The following PIWIL1 variants were observed in gnomAD, a reference collection of about 807,000 sequenced individuals.
PIWIL1 encodes piwi like RNA-mediated gene silencing 1.
A neutral mutation model predicts 114.4 loss-of-function variants in PIWIL1; 73 were observed. The observed-to-expected ratio is 0.64, with a 90% CI of 0.53 to 0.78. The LOEUF (loss-of-function observed/expected upper bound fraction) is 0.78, where lower values mean the gene tolerates loss of function less well. Among genes scored for constraint, PIWIL1 ranks in the 30% least tolerant of loss-of-function variants. The pLI, the probability that PIWIL1 is intolerant of heterozygous loss-of-function variation, is 0.00. For missense variants in PIWIL1, 723 were observed against 1,063.1 expected, an observed-to-expected ratio of 0.68 and a Z score of 4.45; for synonymous variants, 375 against 369.0, an observed-to-expected ratio of 1.02 and a Z score of -0.19.
intron 14 of PIWIL1, among the ~76,000 whole-genome samples, chr12:130,358,151 G>A (rs146993438): frequency 1.1e-4 from 17 of 152,340 alleles, no homozygotes; most frequent in Admixed American, 2.6e-4. Flanking sequence ...CAGGAGGGGA[G>A]GACTGAGTCC....
chr12:130,394,610 CG>C, the PIWIL1 span, among the ~76,000 whole-genome samples: 2 of 151,828 alleles, frequency 1.3e-5, no homozygotes, highest in Non-Finnish European at 2.9e-5. Flanking sequence ...GCCTCTACCT[CG>C]GGGCCACAGA....
chr12:130,389,568 TAG>T, the PIWIL1 span, among the ~76,000 whole-genome samples: 1 of 152,304 alleles, frequency 6.6e-6, no homozygotes, highest in East Asian at 1.9e-4. Context: ...AATTTATTAA[TAG>T]AGAGTTGATA....
chr12:130,386,441 C>T, the PIWIL1 span, among the ~76,000 whole-genome samples: 1 of 125,940 alleles, frequency 7.9e-6, no homozygotes, highest in African/African-American at 3.2e-5. Context: ...ATGCACACTA[C>T]CCCTTCCTGT....
At chr12:130,372,757 A>T (rs1349526169), downstream of PIWIL1, 1 of 152,142 alleles carries the variant, frequency 6.6e-6, no homozygotes, top group Non-Finnish European at 1.5e-5. Flanking sequence ...GGAAGCACAG[A>T]CTAAGAAGTC....
chr12:130,370,304 T>A (rs778827258), intron 19 of PIWIL1, among the ~76,000 whole-genome samples: 12 of 151,898 alleles, frequency 7.9e-5, no homozygotes, highest in Non-Finnish European at 1.2e-4. Context: ...GCTCTCTTTA[T>A]CTGTAGGTCC....
the PIWIL1 span, among the ~76,000 whole-genome samples, chr12:130,403,762 A>G: frequency 2.1e-3 from 323 of 152,350 alleles, no homozygotes; most frequent in Non-Finnish European, 3.7e-3. Flanking sequence ...AGGTATTCCA[A>G]TGAATACAGA....
chr12:130,357,294 C>T (rs1231285390), intron 13 of PIWIL1, among the ~76,000 whole-genome samples, 187 bp from the exon 14 acceptor site: 1 of 151,968 alleles, frequency 6.6e-6, no homozygotes, highest in Non-Finnish European at 1.5e-5. Context: ...AAGACAGTTT[C>T]TGAAACCTGC....
rs756235506 is a variant in PIWIL1 at position 130,361,292 on chromosome 12, A to G, written c.1778A>G (p.Lys593Arg). The change falls in exon 15 of 21, where the codon AAA becomes AGA. Residue 593 changes from lysine to arginine, a missense_variant. Around this residue, in one of 8 missense-constraint regions of PIWIL1, gnomAD observed 298 missense variants for 420.8 expected, o/e 0.71. Coordinates refer to ENST00000245255, the MANE Select transcript of PIWIL1 (RefSeq NM_004764.5). ...TGTGTGGTGGCCCGAACCTTAGGCA[A>G]ACAGCAAACTGTCATGGCCATTGCT... The part of the protein sequence containing the change: ...SQCVVARTLG[K>R]QQTVMAIATK... 17 of 1,614,068 alleles carry G rather than the reference A, an allele frequency of 1.1e-5. No homozygotes were observed. In the Admixed American group the frequency reaches 1.5e-4, roughly 14 times the overall value.
chr12:130,354,419 A>G, intron 9 of PIWIL1, 118 bp from the exon 10 acceptor site: 2 of 1,295,844 alleles, frequency 1.5e-6, no homozygotes, highest in East Asian at 2.3e-5. Flanking sequence ...TGAAGCTATT[A>G]TCAGCCTTGC....
the PIWIL1 span, among the ~76,000 whole-genome samples, chr12:130,384,787 A>T: frequency 6.6e-6 from 1 of 151,060 alleles, no homozygotes; most frequent in African/African-American, 2.5e-5. Flanking sequence ...GCCTCCCAAC[A>T]TGTTATCTTC....
Position 130,367,174 on chromosome 12 carries a change from C to G in PIWIL1, c.2237C>G (p.Thr746Ser), listed in dbSNP as rs766960422. The G allele has an allele frequency of 9.9e-6, 16 of 1,614,006 alleles. No homozygotes were observed. The highest frequency in any genetic ancestry group is 4.5e-5 in the East Asian group (2 of 44,870). The change falls in exon 19 of 21, where the codon ACC (threonine) becomes AGC (serine). Residue 746 changes from threonine to serine, a missense_variant. By Grantham distance (58) the Thr-to-Ser change is moderately conservative (BLOSUM62 1). This residue lies in a region of PIWIL1 where 106 missense variants were observed against 182.8 expected (regional missense o/e 0.58). Coordinates refer to ENST00000245255, the MANE Select transcript of PIWIL1 (RefSeq NM_004764.5). ...ATTGTGGTGAAGAAAAGAGTGAACA[C>G]CAGATTTTTTGCTCAGTCTGGAGGA... is the stretch of plus-strand genomic sequence containing the variant. ...TVIVVKKRVNTRFFAQSGGRL... is the reference protein window; with the variant it reads ...TVIVVKKRVNSRFFAQSGGRL...
chr12:130,423,828 A>C, the PIWIL1 span, among the ~76,000 whole-genome samples: 1 of 152,148 alleles, frequency 6.6e-6, no homozygotes, highest in African/African-American at 2.4e-5. Flanking sequence ...CATGTTGCCA[A>C]ACTTTCAGAT....
At chr12:130,419,089 T>C in the PIWIL1 span, among the ~76,000 whole-genome samples, 1 of 152,214 alleles carries the variant, frequency 6.6e-6, no homozygotes, top group Admixed American at 6.5e-5. The surrounding 1 kb of genome is among the most constrained non-coding windows in gnomAD (Gnocchi z 4.3). Flanking sequence ...GGATGTGTTA[T>C]GAGCACCAAA....
chr12:130,413,142 G>A, the PIWIL1 span, among the ~76,000 whole-genome samples: 1 of 152,184 alleles, frequency 6.6e-6, no homozygotes, highest in African/African-American at 2.4e-5. Flanking sequence ...GCTGCACAAA[G>A]TGGTGTTTCT....
intron 3 of PIWIL1, 149 bp downstream of exon 3, chr12:130,343,250 G>T: frequency 1.7e-6 from 1 of 577,614 alleles, no homozygotes; most frequent in Non-Finnish European, 3.1e-6. Flanking sequence ...ATCAATTGTG[G>T]AAAATACTTA....
intron 9 of PIWIL1, among the ~76,000 whole-genome samples, chr12:130,354,092 A>G (rs755934755): frequency 6.6e-6 from 1 of 152,182 alleles, no homozygotes; most frequent in African/African-American, 2.4e-5. Flanking sequence ...CCTGCCCTGT[A>G]GCGTAGGAAC....
At chr12:130,402,861 T>C in the PIWIL1 span, among the ~76,000 whole-genome samples, 5 of 152,158 alleles carry the variant, frequency 3.3e-5, no homozygotes. Flanking sequence ...GGTACAGGAT[T>C]TAAGGTTTCA....
At chr12:130,392,879 A>C in the PIWIL1 span, among the ~76,000 whole-genome samples, 4 of 101,824 alleles carry the variant, frequency 3.9e-5, no homozygotes, top group Non-Finnish European at 8.5e-5. Flanking sequence ...TTACCTGGTG[A>C]GTATTGAATG....
chr12:130,422,347 G>T, the PIWIL1 span: 2 of 659,502 alleles, frequency 3.0e-6, no homozygotes, highest in Non-Finnish European at 5.3e-6. This position sits in a 1 kb window ranked among gnomAD's most constrained non-coding sequence, Gnocchi z 5.2. Context: ...AGTGTTCTTT[G>T]CTTAGCGGAA....
Sources: gnomAD v4.1 joint callset for allele counts (sites outside exome capture counted in the v4.1 genomes callset) on GRCh38, gnomAD v4.1.1 for gene constraint, gnomAD v4.1.1 regional missense constraint, Gnocchi (gnomAD v3.1) non-coding constraint, MANE v1.5 for transcripts, NCBI Gene and HGNC (gene_info 2026-07-23, HGNC 2026-07-21) for gene names.